Variants in CFI observed in about 807,000 individuals in gnomAD.
CFI encodes the protein C3B/C4B inactivator.
Under a neutral mutation model 78.8 loss-of-function variants are expected in CFI, and 66 were observed. The observed-to-expected ratio is 0.84, with a 90% CI of 0.69 to 1.03. The LOEUF (loss-of-function observed/expected upper bound fraction) is 1.03. Ranked by LOEUF, CFI falls within the 50% of genes least tolerant of loss-of-function variation. The probability of loss-of-function intolerance (pLI) is 0.00; values close to 1 mark genes in which losing one functional copy is unlikely to be tolerated. For missense variants in CFI, 706 were observed against 704.5 expected, an observed-to-expected ratio of 1.00 and a Z score of -0.02; for synonymous variants, 250 against 232.6, an observed-to-expected ratio of 1.07 and a Z score of -0.68.
intron 1 of CFI, among the ~76,000 whole-genome samples, chr4:109,795,633 G>T (rs1484520461): frequency 6.6e-6 from 1 of 152,116 alleles, no homozygotes; most frequent in African/African-American, 2.4e-5. Flanking sequence ...AATAATTCAT[G>T]AGCAAAATGA....
Position 109,753,180 on chromosome 4 carries a change from T to TA in CFI, c.905-678_905-677insT, listed in dbSNP as rs1252657915. The stretch of plus-strand genomic sequence containing the variant: ...TATATAAATAAATATTTATAATATA[T>TA]TTATTATATAAATAAATATTTATAA... On this transcript the variant is annotated intron_variant, in intron 7 of 12. Coordinates refer to ENST00000394634, the MANE Select transcript of CFI (RefSeq NM_000204.5). 1.5e-4 allele frequency among the ~76,000 whole-genome samples: 6 copies of TA among 40,136 alleles called. 1 individual carries two copies. The highest frequency in any genetic ancestry group is 5.8e-4 in the African/African-American group (6 of 10,306). The allele number at this position is 40,136 out of a possible 152,430, so 26.3% of individuals were successfully genotyped here. A position where few individuals can be genotyped will look rare whatever the true frequency, so the allele number is the denominator to read the frequency against.
chr4:109,792,070 C>A (rs1468933236), intron 1 of CFI, among the ~76,000 whole-genome samples: 6 of 152,082 alleles, frequency 3.9e-5, no homozygotes, highest in Non-Finnish European at 8.8e-5. Context: ...TATTAAGACT[C>A]ATTTTGTGAC....
chr4:109,780,648 C>G (rs947839623), intron 1 of CFI, among the ~76,000 whole-genome samples: 2 of 152,078 alleles, frequency 1.3e-5, no homozygotes, highest in Non-Finnish European at 2.9e-5. Flanking sequence ...CATTACTGGG[C>G]ATATACCCAA....
In CFI at chr4:109,744,393, C is replaced by G. The variant is rs117265622; in HGVS notation, c.1430-1798G>C. 4.1e-4 allele frequency among the ~76,000 whole-genome samples: 63 copies of G among 152,248 alleles called. No homozygotes were observed. In the East Asian group the frequency reaches 0.011, roughly 28 times the overall value. Reference sequence around the variant, plus strand: ...AATAGCTCCTGAATGTGCCTCAGACCATTCTCCACCCTTCAATGCCGTGCA... The same window carrying G: ...AATAGCTCCTGAATGTGCCTCAGACGATTCTCCACCCTTCAATGCCGTGCA... On this transcript the variant is annotated intron_variant, in intron 11 of 12. Transcript: ENST00000394634.
chr4:109,736,921 A>G (rs1723405157), downstream of CFI, among the ~76,000 whole-genome samples: 1 of 152,112 alleles, frequency 6.6e-6, no homozygotes, highest in African/African-American at 2.4e-5. Flanking sequence ...TTCTGTACTC[A>G]GTGGCAACAC....
intron 7 of CFI, among the ~76,000 whole-genome samples, chr4:109,757,076 T>C (rs1014143512): frequency 2.6e-5 from 4 of 151,872 alleles, no homozygotes; most frequent in Non-Finnish European, 5.9e-5. Context: ...TCGCCCAGGC[T>C]GGAGTGCAGT....
chr4:109,756,953 GAA>G (rs982916942), intron 7 of CFI, among the ~76,000 whole-genome samples: 7 of 139,026 alleles, frequency 5.0e-5, no homozygotes, highest in African/African-American at 1.6e-4. Flanking sequence ...AAGAAAGAAA[GAA>G]AGAAAGAAAG....
At chr4:109,779,808 A>C (rs1467634714) in intron 1 of CFI, among the ~76,000 whole-genome samples, 1 of 152,048 alleles carries the variant, frequency 6.6e-6, no homozygotes, top group Admixed American at 6.5e-5. Flanking sequence ...CCAACAGAAC[A>C]GAGGCCTCAG....
chr4:109,795,683 G>T (rs1017462396), intron 1 of CFI, among the ~76,000 whole-genome samples: 14 of 152,204 alleles, frequency 9.2e-5, no homozygotes, highest in African/African-American at 3.4e-4. Flanking sequence ...GAACCAAAGA[G>T]AAATTTTGGA....
chr4:109,733,437 T>A, the CFI span, among the ~76,000 whole-genome samples: 1 of 152,262 alleles, frequency 6.6e-6, no homozygotes, highest in East Asian at 1.9e-4. Flanking sequence ...GTGTTCCAGG[T>A]CTTTCCTGCT....
chr4:109,769,135 G>A (rs1258269519), intron 1 of CFI, among the ~76,000 whole-genome samples: 3 of 152,114 alleles, frequency 2.0e-5, no homozygotes, highest in Admixed American at 6.6e-5. Context: ...TGCTCTCATT[G>A]GATGAGAAAT....
At chr4:109,747,567 T>C (rs942779978) in intron 10 of CFI, among the ~76,000 whole-genome samples, 4 of 152,114 alleles carry the variant, frequency 2.6e-5, no homozygotes, top group Non-Finnish European at 4.4e-5. Flanking sequence ...GTTTTTTTGG[T>C]TTGATTAGAA....
At position 109,779,345 on chromosome 4, in the gene CFI, G is replaced by A. The variant is rs185031824; in HGVS notation, c.58-12521C>T. ...GCATTCCTATACACCAAGAACAGAC[G>A]CACAGAGAGCCAAATCATGAGTGAA... On this transcript the variant is annotated intron_variant, in intron 1 of 12. Coordinates refer to ENST00000394634, the MANE Select transcript of CFI (RefSeq NM_000204.5). 7.2e-5 allele frequency among the ~76,000 whole-genome samples: 11 copies of A among 151,916 alleles called. No individual in the cohort carries two copies. The South Asian group carries it at 1.5e-3, about 20-fold the overall frequency.
At chr4:109,782,519 T>A (rs1244718074) in intron 1 of CFI, among the ~76,000 whole-genome samples, 3 of 150,242 alleles carry the variant, frequency 2.0e-5, no homozygotes, top group African/African-American at 7.3e-5. Context: ...CTGAAAGAAA[T>A]CATAGATGAC....
chr4:109,734,049 G>A, the CFI span, among the ~76,000 whole-genome samples: 2 of 152,156 alleles, frequency 1.3e-5, no homozygotes, highest in African/African-American at 4.8e-5. Flanking sequence ...GTACATGCCT[G>A]TAGTCCCAGC....
chr4:109,761,184 C>G (rs572732249), intron 4 of CFI, among the ~76,000 whole-genome samples: 63 of 152,268 alleles, frequency 4.1e-4, no homozygotes, highest in African/African-American at 1.5e-3. Context: ...TTCATATATG[C>G]TGGCCCTCTT....
chr4:109,736,548 G>C (rs115982494), downstream of CFI, among the ~76,000 whole-genome samples: 1 of 152,292 alleles, frequency 6.6e-6, no homozygotes, highest in Admixed American at 6.5e-5. Context: ...GCATGGGCTT[G>C]TTCCATAATA....
In CFI at chr4:109,742,546, G is replaced by A; in HGVS notation, c.1479C>T (p.Ser493=). 6.2e-7 allele frequency: 1 copy of A among 1,613,650 alleles called. No homozygotes were observed. Among genetic ancestry groups the A allele is most frequent in the Non-Finnish European group, 8.5e-7 (1 of 1,179,648 alleles). The change falls in exon 12 of 13, where the codon AGC becomes AGT. Residue 493 remains serine, a synonymous_variant. Coordinates refer to ENST00000394634, the MANE Select transcript of CFI (RefSeq NM_000204.5). The part of the protein sequence containing the change: ...SLQWGEVKLI[S]NCSKFYGNRF... ...GATTTCCGTAAAACTTAGAGCAGTT[G>A]CTTATTAGTTTAACTTCACCCCACT...
At chr4:109,750,931 T>A (rs1011833682) in intron 8 of CFI, among the ~76,000 whole-genome samples, 1 of 152,154 alleles carries the variant, frequency 6.6e-6, no homozygotes, top group Non-Finnish European at 1.5e-5. Context: ...AGCATGTACT[T>A]ACTATAAATC....
Sources: allele counts gnomAD v4.1 joint callset (sites outside exome capture counted in the v4.1 genomes callset), GRCh38; gene constraint gnomAD v4.1.1; transcripts MANE v1.5; gene names NCBI Gene and HGNC (gene_info 2026-07-23, HGNC 2026-07-21).